The following LRMDA variants were observed in gnomAD, a reference collection of about 807,000 sequenced individuals.
The protein encoded by LRMDA is leucine-rich melanocyte differentiation-associated protein.
A neutral mutation model predicts 29.8 loss-of-function variants in LRMDA; 18 were observed. The observed-to-expected ratio is 0.60, with a 90% CI of 0.42 to 0.90. The LOEUF is 0.90. LRMDA is among the 40% of genes least tolerant of loss of function. LRMDA has a pLI of 0.00. For missense variants in LRMDA, 273 were observed against 273.9 expected (o/e 1.00, Z 0.02); for synonymous variants, 125 against 109.4 (o/e 1.14, Z -0.89).
intron 5 of LRMDA, among the ~76,000 whole-genome samples, chr10:76,212,689 G>T (rs983234708): frequency 3.3e-5 from 5 of 152,198 alleles, no homozygotes; most frequent in African/African-American, 9.6e-5. Flanking sequence ...GTTGGTTTCA[G>T]ATATTGAAAT....
At chr10:75,769,369 G>A (rs1361628778) in intron 2 of LRMDA, among the ~76,000 whole-genome samples, 2 of 152,170 alleles carry the variant, frequency 1.3e-5, no homozygotes, top group East Asian at 1.9e-4. Context: ...CTATGTGGCC[G>A]AGAAAATTGG....
chr10:76,254,125 A>G (rs1231364289), intron 5 of LRMDA, among the ~76,000 whole-genome samples: 1 of 152,074 alleles, frequency 6.6e-6, no homozygotes, highest in Non-Finnish European at 1.5e-5. Flanking sequence ...ATACAGTTAT[A>G]CTAGTTTGGT....
intron 2 of LRMDA, among the ~76,000 whole-genome samples, chr10:75,818,879 A>T (rs768549461): frequency 9.2e-5 from 14 of 152,226 alleles, no homozygotes; most frequent in Non-Finnish European, 1.8e-4. Context: ...CCTCATGAGT[A>T]AAGTAGGGGC....
At chr10:75,920,253 A>G (rs1251438257) in intron 2 of LRMDA, among the ~76,000 whole-genome samples, 2 of 152,108 alleles carry the variant, frequency 1.3e-5, no homozygotes, top group African/African-American at 4.8e-5. Context: ...CCCCCACCCA[A>G]AAGATCCGGA....
At chr10:75,717,562 G>A (rs748896551) in intron 2 of LRMDA, among the ~76,000 whole-genome samples, 4 of 152,158 alleles carry the variant, frequency 2.6e-5, no homozygotes, top group Non-Finnish European at 5.9e-5. Flanking sequence ...GCTGTCCTTC[G>A]ATGTCCTCTT....
At chr10:75,919,460 C>T (rs1416133846) in intron 2 of LRMDA, among the ~76,000 whole-genome samples, 4 of 152,148 alleles carry the variant, frequency 2.6e-5, no homozygotes, top group Non-Finnish European at 5.9e-5. Context: ...AGATCCTGTG[C>T]ACCGCCACTC....
intron 6 of LRMDA, among the ~76,000 whole-genome samples, chr10:76,487,729 T>G (rs1249626625): frequency 6.6e-6 from 1 of 151,918 alleles, no homozygotes; most frequent in Admixed American, 6.6e-5. Flanking sequence ...TCTTTCTATA[T>G]GCCAAACACA....
intron 2 of LRMDA, among the ~76,000 whole-genome samples, chr10:75,562,702 G>A (rs1259315887): frequency 3.9e-5 from 6 of 152,100 alleles, no homozygotes; most frequent in African/African-American, 7.3e-5. Context: ...GCTTCCTTCA[G>A]GAGCTCTTTT....
At chr10:76,115,894 G>T (rs1381869464) in intron 5 of LRMDA, among the ~76,000 whole-genome samples, 1 of 152,142 alleles carries the variant, frequency 6.6e-6, no homozygotes, top group Non-Finnish European at 1.5e-5. Flanking sequence ...ACCTTTCTCT[G>T]ATCCAAGCAG....
At chr10:76,059,820 T>C (rs1848676273) in intron 5 of LRMDA, among the ~76,000 whole-genome samples, 1 of 152,188 alleles carries the variant, frequency 6.6e-6, no homozygotes, top group Non-Finnish European at 1.5e-5. Context: ...ATCCATGAGG[T>C]GCAACTTATT....
chr10:75,784,160 TGGTGG>T (rs1280523306), intron 2 of LRMDA, among the ~76,000 whole-genome samples: 1 of 152,212 alleles, frequency 6.6e-6, no homozygotes, highest in Non-Finnish European at 1.5e-5. Context: ...AAAGTAGGAC[TGGTGG>T]AGCCAGATGG....
chr10:75,928,470 C>A (rs1846157093), intron 2 of LRMDA, among the ~76,000 whole-genome samples: 1 of 152,126 alleles, frequency 6.6e-6, no homozygotes, highest in Non-Finnish European at 1.5e-5. Flanking sequence ...GGCAACCACG[C>A]TTCTTCCTTT....
chr10:75,726,523 C>T (rs535594760), intron 2 of LRMDA, among the ~76,000 whole-genome samples: 2 of 152,298 alleles, frequency 1.3e-5, no homozygotes, highest in South Asian at 4.1e-4. Context: ...GTGGTTTTTA[C>T]ACCAGGTCTT....
At chr10:75,865,420 A>T (rs928085956) in intron 2 of LRMDA, among the ~76,000 whole-genome samples, 1 of 152,212 alleles carries the variant, frequency 6.6e-6, no homozygotes, top group African/African-American at 2.4e-5. Flanking sequence ...CTCAATAAAA[A>T]ATATGAAAAA....
intron 6 of LRMDA, among the ~76,000 whole-genome samples, chr10:76,548,006 C>A (rs1448499655): frequency 6.6e-6 from 1 of 152,160 alleles, no homozygotes; most frequent in Admixed American, 6.5e-5. Flanking sequence ...TGTGGGTGAT[C>A]TTTGATGTTC....
intron 2 of LRMDA, among the ~76,000 whole-genome samples, chr10:75,934,088 CT>C (rs988204583): frequency 3.3e-5 from 5 of 152,182 alleles, no homozygotes; most frequent in Non-Finnish European, 5.9e-5. Context: ...AATAGTAGTC[CT>C]TCATTTCTGA....
chr10:76,458,125 C>A (rs868015305), intron 6 of LRMDA, among the ~76,000 whole-genome samples: 158 of 140,002 alleles, frequency 1.1e-3, no homozygotes, highest in South Asian at 1.9e-3. Flanking sequence ...CTAGTGCTTT[C>A]AAAAAAAAAA....
intron 6 of LRMDA, among the ~76,000 whole-genome samples, chr10:76,553,764 G>T (rs74139688): frequency 1.3e-5 from 2 of 152,178 alleles, no homozygotes; most frequent in African/African-American, 4.8e-5. Context: ...GGCAATTCTC[G>T]CTTAATTTCA....
At chr10:75,794,004 A>C (rs1207876757) in intron 2 of LRMDA, among the ~76,000 whole-genome samples, 1 of 152,256 alleles carries the variant, frequency 6.6e-6, no homozygotes, top group Non-Finnish European at 1.5e-5. Context: ...ACACATGGGC[A>C]TGGCTATGTT....
Sources: gnomAD v4.1 joint callset for allele counts (sites outside exome capture counted in the v4.1 genomes callset) on GRCh38, gnomAD v4.1.1 for gene constraint, MANE v1.5 for transcripts, NCBI Gene and HGNC (gene_info 2026-07-23, HGNC 2026-07-21) for gene names.